The following PLCG1 variants were observed in gnomAD, a reference collection of about 807,000 sequenced individuals.
The protein encoded by PLCG1 is 1-phosphatidylinositol 4,5-bisphosphate phosphodiesterase gamma-1.
In PLCG1, 71 loss-of-function variants were observed where a neutral mutation model predicts 177.8. The ratio of observed to expected loss-of-function variants is 0.40; its 90% CI spans 0.33 to 0.49. PLCG1 has a LOEUF of 0.49. PLCG1 is among the 20% of genes least tolerant of loss of function. PLCG1 has a pLI of 0.72. For synonymous variants in PLCG1, 658 were observed against 647.9 expected, an observed-to-expected ratio of 1.02 and a Z score of -0.24; for missense variants, 1,281 against 1,709.0, an observed-to-expected ratio of 0.75 and a Z score of 4.42.
Position 41,160,043 on chromosome 20 carries a change from A to G in PLCG1, c.465-63A>G, listed in dbSNP as rs2035446159. Reference sequence around the variant, plus strand: ...AGGGACAGCAGACCTTTGTGTGCCCAGACATCTCCCAGGCCTGACTGTAGA... The same window carrying G: ...AGGGACAGCAGACCTTTGTGTGCCCGGACATCTCCCAGGCCTGACTGTAGA... On this transcript the variant is annotated intron_variant, in intron 3 of 31. Coordinates refer to ENST00000685551, the MANE Select transcript of PLCG1 (RefSeq NM_002660.3). This position sits in a 1 kb window ranked among gnomAD's most constrained non-coding sequence, Gnocchi z 5.5. The G allele has an allele frequency of 6.2e-7, 1 of 1,600,966 alleles. No individual in the cohort carries two copies. The highest frequency in any genetic ancestry group is 1.3e-5 in the African/African-American group (1 of 74,680).
At chr20:41,170,322 C>T (rs1568755931) in intron 24 of PLCG1, 53 bp downstream of exon 24, 1 of 1,600,412 alleles carries the variant, frequency 6.2e-7, no homozygotes, top group Admixed American at 1.7e-5. Flanking sequence ...CGTCAGGCAG[C>T]TGAGGCCTCC....
Position 41,173,880 on chromosome 20 carries a change from T to G in PLCG1, c.3557-43T>G. ...GGCAGGGTGGGGCTGGGCCCCTTGC[T>G]CTGTCCCTCGTGGGCTGAGGGCCAG... On this transcript the variant is annotated intron_variant, in intron 29 of 31. Coordinates refer to ENST00000685551, the MANE Select transcript of PLCG1 (RefSeq NM_002660.3). The surrounding 1 kb of genome is among the most constrained non-coding windows in gnomAD (Gnocchi z 6.2). 3 of 1,611,344 alleles carry G rather than the reference T, an allele frequency of 1.9e-6. No homozygotes were observed. The highest frequency in any genetic ancestry group is 2.5e-6 in the Non-Finnish European group (3 of 1,177,620).
chr20:41,148,134 G>A lies in PLCG1; in HGVS notation c.217+10276G>A, dbSNP rs908972591. The stretch of plus-strand genomic sequence containing the variant: ...GCAGGCCTCTGACCTGACGACTTCC[G>A]GTCATTATTTAGAACGTCTCCAGCC... On this transcript the variant is annotated intron_variant, in intron 1 of 31. Transcript: ENST00000685551. The surrounding 1 kb of genome is among the most constrained non-coding windows in gnomAD (Gnocchi z 4.3). Among the ~76,000 whole-genome samples the A allele has an allele frequency of 4.6e-5, 7 of 152,140 alleles. No homozygotes were observed. Among genetic ancestry groups the A allele is most frequent in the Non-Finnish European group, 8.8e-5 (6 of 68,026 alleles).
chr20:41,166,725 A>G lies in PLCG1; in HGVS notation c.2167A>G (p.Thr723Ala), dbSNP rs988747097. 6.2e-7 allele frequency: 1 copy of G among 1,614,166 alleles called. No homozygotes were observed. The highest frequency in any genetic ancestry group is 8.5e-7 in the Non-Finnish European group (1 of 1,180,016). The change falls in exon 19 of 32, where the codon ACA becomes GCA. Residue 723 changes from threonine (T) to alanine (A), a missense_variant. This residue lies in a region of PLCG1 where 723 missense variants were observed against 1,030.0 expected (regional missense o/e 0.70). Coordinates refer to ENST00000685551, the MANE Select transcript of PLCG1 (RefSeq NM_002660.3). The surrounding 1 kb of genome is among the most constrained non-coding windows in gnomAD (Gnocchi z 8.6). ...KHCRVQQEGQ[T>A]VMLGNSEFDS... ...TTGCCGTGTCCAGCAAGAGGGCCAG[A>G]CAGTGATGCTAGGGAACTCGGAGTT...
At chr20:41,138,681 C>T (rs949131666) in intron 1 of PLCG1, among the ~76,000 whole-genome samples, 2 of 152,044 alleles carry the variant, frequency 1.3e-5, no homozygotes, top group African/African-American at 4.8e-5. Flanking sequence ...TGAGTCTAGC[C>T]CTTTGTCCTC....
chr20:41,169,413 A>T, intron 22 of PLCG1, 44 bp from the exon 23 acceptor site: 1 of 1,433,786 alleles, frequency 7.0e-7, no homozygotes, highest in South Asian at 1.1e-5. Flanking sequence ...TCACACACAT[A>T]TGCAGTAGCC....
In PLCG1 at chr20:41,159,687, G is replaced by A. The variant is rs1206297650; in HGVS notation, c.299G>A (p.Arg100Gln). The change falls in exon 2 of 32, where the codon CGG (arginine) becomes CAG (glutamine). Residue 100 changes from arginine (R) to glutamine (Q), a missense_variant. Coordinates refer to ENST00000685551, the MANE Select transcript of PLCG1 (RefSeq NM_002660.3). The surrounding 1 kb of genome is among the most constrained non-coding windows in gnomAD (Gnocchi z 6.0). ...FDRYQEDPAF[R>Q]PDQSHCFVIL... ...CGCTATCAAGAGGACCCAGCTTTCC[G>A]GCCGGACCAGTCACATTGCTTTGTC... is the stretch of plus-strand genomic sequence containing the variant. 3.1e-6 allele frequency: 5 copies of A among 1,614,080 alleles called. No homozygotes were observed. The highest frequency in any genetic ancestry group is 2.2e-5 in the East Asian group (1 of 44,896).
intron 1 of PLCG1, among the ~76,000 whole-genome samples, chr20:41,154,224 G>T (rs1324959150): frequency 6.6e-6 from 1 of 152,196 alleles, no homozygotes; most frequent in Non-Finnish European, 1.5e-5. Flanking sequence ...CGGTTAACAG[G>T]CTTATAAATT....
Position 41,166,811 on chromosome 20 carries a change from G to A in PLCG1, c.2253G>A (p.Lys751=), listed in dbSNP as rs1161228320. Residue 751 remains lysine, a synonymous_variant, in exon 19 of 32, where the codon AAG becomes AAA. Coordinates refer to ENST00000685551, the MANE Select transcript of PLCG1 (RefSeq NM_002660.3). The surrounding 1 kb of genome is among the most constrained non-coding windows in gnomAD (Gnocchi z 8.6). ...AACACCCGCTATACCGCAAGATGAA[G>A]CTGCGCTATCCCATCAACGAGGAGG... The part of the protein sequence containing the change: ...YEKHPLYRKM[K]LRYPINEEAL... 1 of 1,614,172 alleles carries A rather than the reference G, an allele frequency of 6.2e-7. No homozygotes were observed. The highest frequency in any genetic ancestry group is 1.1e-5 in the South Asian group (1 of 91,086).
At position 41,162,554 on chromosome 20, in the gene PLCG1, C is replaced by G. The variant is rs1329647024; in HGVS notation, c.597+18C>G. Reference sequence around the variant, plus strand: ...GGCTGACGGTAAGTGCCACCCAGGGCTGTCTGTAGATGGGGGCAGGGGAAG... The same window carrying G: ...GGCTGACGGTAAGTGCCACCCAGGGGTGTCTGTAGATGGGGGCAGGGGAAG... On this transcript the variant is annotated intron_variant, in intron 5 of 31. Coordinates refer to ENST00000685551, the MANE Select transcript of PLCG1 (RefSeq NM_002660.3). 2 of 1,612,532 alleles carry G rather than the reference C, an allele frequency of 1.2e-6. No individual in the cohort carries two copies. Among genetic ancestry groups the G allele is most frequent in the African/African-American group, 2.7e-5 (2 of 74,836 alleles).
At chr20:41,158,525 C>T (rs1040780982) in intron 1 of PLCG1, among the ~76,000 whole-genome samples, 1 of 152,132 alleles carries the variant, frequency 6.6e-6, no homozygotes. Flanking sequence ...AGCCTGTGCA[C>T]CTTTGCTGAG....
chr20:41,159,254 G>A lies in PLCG1; in HGVS notation c.218-352G>A, dbSNP rs1374306651. The stretch of plus-strand genomic sequence containing the variant: ...ATGATTTGATTTGTGTGTACCTTGT[G>A]TCAGGAAGTGGTCCTCATGAACAGC... On this transcript the variant is annotated intron_variant, in intron 1 of 31. Coordinates refer to ENST00000685551, the MANE Select transcript of PLCG1 (RefSeq NM_002660.3). The surrounding 1 kb of genome is among the most constrained non-coding windows in gnomAD (Gnocchi z 6.0). Among the ~76,000 whole-genome samples the A allele has an allele frequency of 6.6e-6, 1 of 152,152 alleles. No individual in the cohort carries two copies. Among genetic ancestry groups the A allele is most frequent in the East Asian group, 1.9e-4 (1 of 5,194 alleles).
chr20:41,173,321 C>A lies in PLCG1; in HGVS notation c.3280-99C>A. On this transcript the variant is annotated intron_variant, in intron 27 of 31. Coordinates refer to ENST00000685551, the MANE Select transcript of PLCG1 (RefSeq NM_002660.3). The surrounding 1 kb of genome is among the most constrained non-coding windows in gnomAD (Gnocchi z 6.2). ...AGTGTCCCGGGGGCCCAGCAGAGGG[C>A]GCGCTGCCTCCACTCCACAGATGCT... The A allele has an allele frequency of 7.7e-7, 1 of 1,291,826 alleles. No individual in the cohort carries two copies. The highest frequency in any genetic ancestry group is 1.0e-6 in the Non-Finnish European group (1 of 953,278). 80.0% of individuals were successfully genotyped at this position (1,291,826 alleles called of 1,614,324 possible).
Position 41,176,825 on chromosome 20 carries a change from A to T in PLCG1, c.*2316A>T, listed in dbSNP as rs1181270495. 6.6e-6 allele frequency: 1 copy of T among 151,914 alleles called. No homozygotes were observed. The highest frequency in any genetic ancestry group is 1.9e-4 in the East Asian group (1 of 5,198). The allele number at this position is 151,914 out of a possible 1,614,324, so 9.4% of individuals were successfully genotyped here. A position where few individuals can be genotyped will look rare whatever the true frequency, so the allele number is the denominator to read the frequency against. Reference sequence around the variant, plus strand: ...GAAGGCAGAGTGTTTGTTGGTGGGGAAGACCCTTACTTGGGGCCGAATGCT... The same window carrying T: ...GAAGGCAGAGTGTTTGTTGGTGGGGTAGACCCTTACTTGGGGCCGAATGCT... On this transcript the variant is annotated 3_prime_UTR_variant, in exon 32 of 32. Transcript: ENST00000685551.
chr20:41,137,894 C>A lies in PLCG1; in HGVS notation c.217+36C>A. The A allele has an allele frequency of 8.2e-7, 1 of 1,225,894 alleles. No individual in the cohort carries two copies. The highest frequency in any genetic ancestry group is 1.0e-6 in the Non-Finnish European group (1 of 968,096). 75.9% of individuals were successfully genotyped at this position (1,225,894 alleles called of 1,614,324 possible). A position where few individuals can be genotyped will look rare whatever the true frequency, so the allele number is the denominator to read the frequency against. ...CCACTTCCTGCCTGGGCCCGCCCCG[C>A]GCGGGGGTCGTGGGAGCCCGGCCCG... is the stretch of plus-strand genomic sequence containing the variant. On this transcript the variant is annotated intron_variant, in intron 1 of 31. Transcript: ENST00000685551. The surrounding 1 kb of genome is among the most constrained non-coding windows in gnomAD (Gnocchi z 7.3).
At chr20:41,142,004 A>G (rs1005462633) in intron 1 of PLCG1, among the ~76,000 whole-genome samples, 5 of 152,172 alleles carry the variant, frequency 3.3e-5, no homozygotes, top group African/African-American at 1.2e-4. Flanking sequence ...GTATTATTAT[A>G]CCTCCCCATT....
At chr20:41,139,894 C>T (rs543871099) in intron 1 of PLCG1, among the ~76,000 whole-genome samples, 2 of 152,306 alleles carry the variant, frequency 1.3e-5, no homozygotes, top group South Asian at 2.1e-4. Context: ...CCCATGTGCC[C>T]ACTCACCCAC....
rs1005728274 is a variant in PLCG1 at position 41,160,323 on chromosome 20, C to T, written c.512+170C>T. ...CGTGTAGCTTTCTGCACAAAGTCCTCTGGTGGCCTTGGTGTGAGCTGGTGA... is the reference window on the plus strand; with the variant it reads ...CGTGTAGCTTTCTGCACAAAGTCCTTTGGTGGCCTTGGTGTGAGCTGGTGA... On this transcript the variant is annotated intron_variant, in intron 4 of 31. Transcript: ENST00000685551. This position sits in a 1 kb window ranked among gnomAD's most constrained non-coding sequence, Gnocchi z 5.5. Among the ~76,000 whole-genome samples the T allele has an allele frequency of 6.6e-6, 1 of 152,188 alleles. No homozygotes were observed. Among genetic ancestry groups the T allele is most frequent in the African/African-American group, 2.4e-5 (1 of 41,434 alleles).
chr20:41,157,204 C>CTGTGTGTGTGTGTGTG lies in PLCG1; in HGVS notation c.218-2380_218-2365dup, dbSNP rs35980938. ...GTGCAGGAGTGCAGGCCTGTTGACT[C>CTGTGTGTGTGTGTGTG]TGTGTGTGTGTGTGTGTGTGTGTGT... On this transcript the variant is annotated intron_variant, in intron 1 of 31. Coordinates refer to ENST00000685551, the MANE Select transcript of PLCG1 (RefSeq NM_002660.3). This position sits in a 1 kb window ranked among gnomAD's most constrained non-coding sequence, Gnocchi z 5.4. Among the ~76,000 whole-genome samples the CTGTGTGTGTGTGTGTG allele has an allele frequency of 0.023, 3,291 of 143,938 alleles. 110 individuals carry two copies. Among genetic ancestry groups the CTGTGTGTGTGTGTGTG allele is most frequent in the African/African-American group, 0.07 (2,619 of 37,250 alleles). The allele number at this position is 143,938 out of a possible 152,430, so 94.4% of individuals were successfully genotyped here.
Sources: gnomAD v4.1 joint callset for allele counts (sites outside exome capture counted in the v4.1 genomes callset) on GRCh38, gnomAD v4.1.1 for gene constraint, gnomAD v4.1.1 regional missense constraint, Gnocchi (gnomAD v3.1) non-coding constraint, MANE v1.5 for transcripts, NCBI Gene and HGNC (gene_info 2026-07-23, HGNC 2026-07-21) for gene names.